DNAH1: variants seen among roughly 807,000 people sequenced by gnomAD.
DNAH1 encodes the protein dynein axonemal heavy chain 1.
A neutral mutation model predicts 484.3 loss-of-function variants in DNAH1; 327 were observed. The observed-to-expected ratio is 0.68, with a 90% CI of 0.62 to 0.74. The LOEUF is 0.74. Among genes scored for constraint, DNAH1 ranks in the 30% least tolerant of loss-of-function variants. DNAH1 has a pLI of 0.00. For synonymous variants in DNAH1, 2,192 were observed against 2,191.9 expected, an observed-to-expected ratio of 1.00 and a Z score of 0.00; for missense variants, 5,052 against 5,546.8, an observed-to-expected ratio of 0.91 and a Z score of 2.83.
intron 8 of DNAH1, among the ~76,000 whole-genome samples, chr3:52,342,387 G>A (rs976984618): frequency 2.0e-5 from 3 of 152,226 alleles, no homozygotes; most frequent in Admixed American, 2.0e-4. Context: ...TTGTAAGGGG[G>A]CAAGAGTGGA....
In DNAH1 at chr3:52,353,313, A is replaced by G. The variant is rs768293748; in HGVS notation, c.3226+12A>G. The G allele has an allele frequency of 2.5e-6, 4 of 1,610,878 alleles. No individual in the cohort carries two copies. The highest frequency in any genetic ancestry group is 8.5e-7 in the Non-Finnish European group (1 of 1,177,706). ...TAAGGACATGCCAGGTAGGGAGCCAAGCCGGCCAATCCCCTCCTCCCTGCC... is the reference window on the plus strand; with the variant it reads ...TAAGGACATGCCAGGTAGGGAGCCAGGCCGGCCAATCCCCTCCTCCCTGCC... On this transcript the variant is annotated intron_variant, in intron 19 of 77. Transcript: ENST00000420323. The surrounding 1 kb of genome is among the most constrained non-coding windows in gnomAD (Gnocchi z 5.0).
At chr3:52,321,494 C>T (rs1701146883) in intron 1 of DNAH1, among the ~76,000 whole-genome samples, 1 of 152,126 alleles carries the variant, frequency 6.6e-6, no homozygotes, top group Non-Finnish European at 1.5e-5. Flanking sequence ...ATGTACAAAC[C>T]TCTTCTTCAC....
chr3:52,347,271 G>C (rs949712640), intron 11 of DNAH1, among the ~76,000 whole-genome samples: 2 of 152,190 alleles, frequency 1.3e-5, no homozygotes, highest in Non-Finnish European at 2.9e-5. Context: ...GAGGCACCGA[G>C]GGGAGGATAG....
intron 36 of DNAH1, 74 bp downstream of exon 36, chr3:52,366,961 TC>T (rs779163279): frequency 2.6e-4 from 389 of 1,521,752 alleles, no homozygotes; most frequent in Non-Finnish European, 3.2e-4. Flanking sequence ...CGGTCACCCC[TC>T]CCTCCATTAG....
intron 6 of DNAH1, among the ~76,000 whole-genome samples, chr3:52,330,140 G>A (rs149341200): frequency 1.9e-3 from 293 of 152,210 alleles, no homozygotes; most frequent in African/African-American, 6.7e-3. Flanking sequence ...TATGTATTGC[G>A]GCTGCTCTGC....
intron 50 of DNAH1, among the ~76,000 whole-genome samples, chr3:52,383,078 C>T (rs773198359): frequency 2.6e-5 from 4 of 152,206 alleles, no homozygotes; most frequent in African/African-American, 4.8e-5. Context: ...TATCTCTGCC[C>T]GTGGCCATGG....
At position 52,353,024 on chromosome 3, in the gene DNAH1, TG is replaced by T; in HGVS notation, c.3028-77del. On this transcript the variant is annotated intron_variant, in intron 18 of 77. Transcript: ENST00000420323. The surrounding 1 kb of genome is among the most constrained non-coding windows in gnomAD (Gnocchi z 5.0). ...AGGAGCAAGGGAGAGGGAGAGGACC[TG>T]GCCCAAGAAGGGGCAACATGGAGAG... The T allele has an allele frequency of 7.0e-7, 1 of 1,419,808 alleles. No individual in the cohort carries two copies. The highest frequency in any genetic ancestry group is 9.6e-7 in the Non-Finnish European group (1 of 1,046,286). The allele number at this position is 1,419,808 out of a possible 1,614,324, so 88.0% of individuals were successfully genotyped here.
intron 60 of DNAH1, among the ~76,000 whole-genome samples, chr3:52,390,612 G>A (rs1431730671): frequency 1.3e-5 from 2 of 152,180 alleles, no homozygotes; most frequent in Middle Eastern, 3.2e-3. Context: ...TGAGCACTCA[G>A]TAGGCAAGAG....
Position 52,388,196 on chromosome 3 carries a change from C to A in DNAH1, c.9033C>A (p.Ala3011=). The A allele has an allele frequency of 6.2e-7, 1 of 1,609,872 alleles. No individual in the cohort carries two copies. The highest frequency in any genetic ancestry group is 1.1e-5 in the South Asian group (1 of 89,876). Residue 3011 remains alanine (A), a synonymous_variant, in exon 57 of 78, where the codon GCC becomes GCA. Coordinates refer to ENST00000420323, the MANE Select transcript of DNAH1 (RefSeq NM_015512.5). ...KDNIGDVVIK[A]IQPYIDNEEF... Reference sequence around the variant, plus strand: ...ACATTGGGGATGTGGTGATCAAAGCCATCCAGCCGTACATCGATAATGAAG... The same window carrying A: ...ACATTGGGGATGTGGTGATCAAAGCAATCCAGCCGTACATCGATAATGAAG...
intron 3 of DNAH1, among the ~76,000 whole-genome samples, chr3:52,324,328 C>T (rs1701259132): frequency 6.6e-6 from 1 of 152,200 alleles, no homozygotes; most frequent in Non-Finnish European, 1.5e-5. Flanking sequence ...ACTCTCCTCT[C>T]AGGCTCATGG....
Position 52,362,332 on chromosome 3 carries a change from G to A in DNAH1, c.4981-56G>A. 1 of 1,476,028 alleles carries A rather than the reference G, an allele frequency of 6.8e-7. No homozygotes were observed. The highest frequency in any genetic ancestry group is 9.4e-7 in the Non-Finnish European group (1 of 1,067,914). 91.4% of individuals were successfully genotyped at this position (1,476,028 alleles called of 1,614,324 possible). On this transcript the variant is annotated intron_variant, in intron 30 of 77. Coordinates refer to ENST00000420323, the MANE Select transcript of DNAH1 (RefSeq NM_015512.5). This position sits in a 1 kb window ranked among gnomAD's most constrained non-coding sequence, Gnocchi z 5.1. ...CAGGGGACAAGGGGCCCACTCAGAGGAGGGGACAAGGCTGGGCACCCTAGT... is the reference window on the plus strand; with the variant it reads ...CAGGGGACAAGGGGCCCACTCAGAGAAGGGGACAAGGCTGGGCACCCTAGT...
intron 55 of DNAH1, 132 bp downstream of exon 55, chr3:52,386,477 C>A: frequency 7.4e-7 from 1 of 1,348,938 alleles, no homozygotes; most frequent in Non-Finnish European, 9.9e-7. Flanking sequence ...CAAGTAGGAG[C>A]ATGGGCACCT....
At chr3:52,348,082 C>T (rs1432005899) in intron 12 of DNAH1, 108 bp downstream of exon 12, 14 of 1,186,570 alleles carry the variant, frequency 1.2e-5, no homozygotes, top group African/African-American at 1.5e-5. Flanking sequence ...GGCCTCCTGT[C>T]GGGCAGGCAG....
Position 52,358,689 on chromosome 3 carries a change from G to A in DNAH1, c.4218G>A (p.Lys1406=), listed in dbSNP as rs751847514. Residue 1406 remains lysine, a synonymous_variant, in exon 25 of 78, where the codon AAG becomes AAA. Coordinates refer to ENST00000420323, the MANE Select transcript of DNAH1 (RefSeq NM_015512.5). The surrounding 1 kb of genome is among the most constrained non-coding windows in gnomAD (Gnocchi z 4.2). ...TGCGGGAGGTGGAGCGCAGCATGAA[G>A]GCCAGTGTGCACGACATCATTGAGA... ...DWLREVERSM[K]ASVHDIIEKA... 6.8e-6 allele frequency: 11 copies of A among 1,613,132 alleles called. No individual in the cohort carries two copies. The highest frequency in any genetic ancestry group is 1.7e-6 in the Non-Finnish European group (2 of 1,179,786).
chr3:52,354,088 G>A (rs1342956388), intron 20 of DNAH1, among the ~76,000 whole-genome samples: 1 of 152,064 alleles, frequency 6.6e-6, no homozygotes, highest in African/African-American at 2.4e-5. Context: ...CAGCTTCTTG[G>A]GAGGCTGAGG....
At position 52,353,887 on chromosome 3, in the gene DNAH1, GC is replaced by G; in HGVS notation, c.3480+256del. ...CCCCAGGAAGGAGCTAATAGCATTA[GC>G]CTCAATTTAACAGATGTGTCAGGCC... On this transcript the variant is annotated intron_variant, in intron 20 of 77. Coordinates refer to ENST00000420323, the MANE Select transcript of DNAH1 (RefSeq NM_015512.5). This position sits in a 1 kb window ranked among gnomAD's most constrained non-coding sequence, Gnocchi z 5.0. 3.9e-6 allele frequency: 2 copies of G among 514,940 alleles called. No homozygotes were observed. The highest frequency in any genetic ancestry group is 3.7e-5 in the East Asian group (1 of 26,976). 31.9% of individuals were successfully genotyped at this position (514,940 alleles called of 1,614,324 possible). A position where few individuals can be genotyped will look rare whatever the true frequency, so the allele number is the denominator to read the frequency against.
At chr3:52,330,920 G>A (rs1180028923) in intron 6 of DNAH1, among the ~76,000 whole-genome samples, 1 of 152,230 alleles carries the variant, frequency 6.6e-6, no homozygotes, top group Non-Finnish European at 1.5e-5. Context: ...CCAGGGCAGA[G>A]AAGCCTGGTC....
intron 11 of DNAH1, 109 bp from the exon 12 acceptor site, chr3:52,347,715 G>A: frequency 1.5e-6 from 2 of 1,309,552 alleles, no homozygotes; most frequent in Non-Finnish European, 2.0e-6. Context: ...GGCAAGTATT[G>A]TGCATGGAGA....
At chr3:52,394,382 G>C in intron 66 of DNAH1, 83 bp from the exon 67 acceptor site, 1 of 1,365,470 alleles carries the variant, frequency 7.3e-7, no homozygotes. Flanking sequence ...AGGGTGGTTA[G>C]AGAGGCACTA....
Sources: gnomAD v4.1 joint callset for allele counts (sites outside exome capture counted in the v4.1 genomes callset) on GRCh38, gnomAD v4.1.1 for gene constraint, Gnocchi (gnomAD v3.1) non-coding constraint, MANE v1.5 for transcripts, NCBI Gene and HGNC (gene_info 2026-07-23, HGNC 2026-07-21) for gene names.